TTYH2: variants seen among roughly 807,000 people sequenced by gnomAD.
The protein encoded by TTYH2 is tweety family member 2.
In TTYH2, 49 loss-of-function variants were observed where a neutral mutation model predicts 68.3. The observed-to-expected ratio is 0.72, with a 90% CI of 0.57 to 0.91. TTYH2 has a LOEUF of 0.91. Ranked by LOEUF, TTYH2 falls within the 40% of genes least tolerant of loss-of-function variation. The pLI, the probability that TTYH2 is intolerant of heterozygous loss-of-function variation, is 0.00. For synonymous variants in TTYH2, 272 were observed against 300.8 expected, an observed-to-expected ratio of 0.90 and a Z score of 0.99; for missense variants, 631 against 700.4, an observed-to-expected ratio of 0.90 and a Z score of 1.12.
chr17:74,251,120 G>A lies in TTYH2; in HGVS notation c.1116+763G>A, dbSNP rs893447394. On this transcript the variant is annotated intron_variant, in intron 10 of 13. Coordinates refer to ENST00000269346, the MANE Select transcript of TTYH2 (RefSeq NM_032646.6). ...CTGTGCGTGTGTGGTGTGTTTCTGC[G>A]GTTGTGTGGGTGCACATATGTGATG... 4.2e-5 allele frequency among the ~76,000 whole-genome samples: 6 copies of A among 141,860 alleles called. No individual in the cohort carries two copies. In the South Asian group the frequency reaches 1.1e-3, roughly 27 times the overall value. 93.1% of individuals were successfully genotyped at this position (141,860 alleles called of 152,430 possible).
chr17:74,235,480 C>T (rs1164646825), intron 3 of TTYH2, among the ~76,000 whole-genome samples: 1 of 152,240 alleles, frequency 6.6e-6, no homozygotes, highest in South Asian at 2.1e-4. Context: ...CCAAGCTGCA[C>T]CCCGGGGTTC....
Position 74,239,145 on chromosome 17 carries a change from C to G in TTYH2, c.635+1631C>G, listed in dbSNP as rs937860452. ...TCCCCTGCCTCCCCATTTGCCAAAT[C>G]CCAGCCTAGCCAGAGGCACTGGACA... On this transcript the variant is annotated intron_variant, in intron 4 of 13. Transcript: ENST00000269346. The surrounding 1 kb of genome is among the most constrained non-coding windows in gnomAD (Gnocchi z 5.3). 6.6e-6 allele frequency among the ~76,000 whole-genome samples: 1 copy of G among 152,186 alleles called. No individual in the cohort carries two copies. The highest frequency in any genetic ancestry group is 1.5e-5 in the Non-Finnish European group (1 of 68,040).
At chr17:74,250,395 G>A (rs2143773695) in intron 10 of TTYH2, 38 bp downstream of exon 10, 2 of 1,565,626 alleles carry the variant, frequency 1.3e-6, no homozygotes, top group Non-Finnish European at 1.8e-6. Context: ...AGAGTGTGAG[G>A]GCACCCAGCA....
At position 74,237,488 on chromosome 17, in the gene TTYH2, C is replaced by T. The variant is rs763026678; in HGVS notation, c.609C>T (p.Asp203=). Residue 203 remains aspartate (D), a synonymous_variant, in exon 4 of 14, where the codon GAC becomes GAT. Transcript: ENST00000269346. ...CCATGGAGCTGACCAAGCTATCCGA[C>T]CAGACTGGCTACGTGGAGTACTACA... ...EVTMELTKLS[D]QTGYVEYYRW... 1 of 1,613,254 alleles carries T rather than the reference C, an allele frequency of 6.2e-7. No homozygotes were observed. The highest frequency in any genetic ancestry group is 1.1e-5 in the South Asian group (1 of 90,988).
Position 74,217,641 on chromosome 17 carries a change from A to C in TTYH2, c.129+3925A>C. Among the ~76,000 whole-genome samples the C allele has an allele frequency of 1.3e-5, 2 of 150,440 alleles. No homozygotes were observed. The highest frequency in any genetic ancestry group is 2.5e-5 in the African/African-American group (1 of 40,782). On this transcript the variant is annotated intron_variant, in intron 1 of 13. Coordinates refer to ENST00000269346, the MANE Select transcript of TTYH2 (RefSeq NM_032646.6). This position sits in a 1 kb window ranked among gnomAD's most constrained non-coding sequence, Gnocchi z 4.0. Reference sequence around the variant, plus strand: ...CTTTCCCAGTGGGCCTGGGAGGGAGACTCTCCCTCTAGGTGCTCCTAGTTT... The same window carrying C: ...CTTTCCCAGTGGGCCTGGGAGGGAGCCTCTCCCTCTAGGTGCTCCTAGTTT...
chr17:74,223,433 A>G (rs977075486), intron 2 of TTYH2, among the ~76,000 whole-genome samples: 2 of 152,054 alleles, frequency 1.3e-5, no homozygotes, highest in South Asian at 4.2e-4. Flanking sequence ...GGCTGAGACT[A>G]TGTTGCTCAG....
rs2050404019 is a variant in TTYH2 at position 74,232,856 on chromosome 17, G to A, written c.414+1857G>A. Among the ~76,000 whole-genome samples, 1 of 152,232 alleles carries A rather than the reference G, an allele frequency of 6.6e-6. No individual in the cohort carries two copies. Among genetic ancestry groups the A allele is most frequent in the African/African-American group, 2.4e-5 (1 of 41,458 alleles). On this transcript the variant is annotated intron_variant, in intron 3 of 13. Transcript: ENST00000269346. The surrounding 1 kb of genome is among the most constrained non-coding windows in gnomAD (Gnocchi z 5.1). ...CTATCCCACAGGACGAGAGCTGCCA[G>A]GGAGGGGAGCTGGAACGGGCCCCCA...
chr17:74,237,524 C>T lies in TTYH2; in HGVS notation c.635+10C>T, dbSNP rs369469992. The T allele has an allele frequency of 4.2e-4, 671 of 1,590,170 alleles. No individual in the cohort carries two copies. Among genetic ancestry groups the T allele is most frequent in the Non-Finnish European group, 5.1e-4 (598 of 1,162,846 alleles). On this transcript the variant is annotated intron_variant, in intron 4 of 13. Coordinates refer to ENST00000269346, the MANE Select transcript of TTYH2 (RefSeq NM_032646.6). ...ACGTGGAGTACTACAGGTGAAGGAC[C>T]GGTGGGAGGCAGAGGGAGGGGCAGC...
intron 6 of TTYH2, among the ~76,000 whole-genome samples, chr17:74,245,663 C>T (rs934952276): frequency 1.3e-5 from 2 of 152,202 alleles, no homozygotes; most frequent in Admixed American, 6.5e-5. Context: ...CCCCTGAGTG[C>T]GAGATGGGGA....
intron 6 of TTYH2, chr17:74,248,214 C>T (rs1339870292): frequency 5.3e-6 from 5 of 951,094 alleles, no homozygotes; most frequent in Non-Finnish European, 6.3e-6. Flanking sequence ...CTCTCCCTGG[C>T]TGCTCTGGAA....
rs752550748 is a variant in TTYH2, at chr17:74,213,711, C to A, written c.124C>A (p.Gln42Lys). ...STFSPGDESY[Q>K]ESLLFLGLVA... ...CTTCAGCCCCGGCGACGAGAGTTAC[C>A]AGGAGGTAAGTTTACGCCGCCCCAG... The change falls in exon 1 of 14, where the codon CAG becomes AAG. Residue 42 changes from glutamine to lysine, a missense_variant. Physicochemically the swap from Gln to Lys is moderately conservative, Grantham distance 53 (BLOSUM62 1). Transcript: ENST00000269346. This position sits in a 1 kb window ranked among gnomAD's most constrained non-coding sequence, Gnocchi z 6.1. 22 of 1,611,340 alleles carry A rather than the reference C, an allele frequency of 1.4e-5. 1 individual carries two copies. The highest frequency in any genetic ancestry group is 1.8e-5 in the Non-Finnish European group (21 of 1,178,926).
chr17:74,255,767 G>A (rs947924464), intron 13 of TTYH2, among the ~76,000 whole-genome samples: 5 of 152,216 alleles, frequency 3.3e-5, no homozygotes, highest in Non-Finnish European at 7.3e-5. Flanking sequence ...AAAGGACAAG[G>A]GGAATGAAAG....
intron 2 of TTYH2, among the ~76,000 whole-genome samples, chr17:74,223,234 A>G (rs1009309537): frequency 1.3e-4 from 19 of 147,066 alleles, no homozygotes; most frequent in African/African-American, 4.5e-4. Flanking sequence ...TCAGCCTCCC[A>G]AGTGGCTGGG....
Position 74,230,954 on chromosome 17 carries a change from C to A in TTYH2, c.369C>A (p.Tyr123Ter), listed in dbSNP as rs995861857. The change falls in exon 3 of 14, where the codon TAC becomes TAA. Residue 123 changes from tyrosine to a stop codon, truncating the protein, a stop_gained. Coordinates refer to ENST00000269346, the MANE Select transcript of TTYH2 (RefSeq NM_032646.6). LOFTEE classifies it high-confidence loss of function. ...ACGATGGGGCGTACCAGCTGATGTA[C>A]TCCTTGGACGATGCCAACCACACCT... ...ETNDGAYQLM[Y>*]SLDDANHTFS... 2 of 1,614,038 alleles carry A rather than the reference C, an allele frequency of 1.2e-6. No individual in the cohort carries two copies. The highest frequency in any genetic ancestry group is 1.3e-5 in the African/African-American group (1 of 74,930).
intron 4 of TTYH2, among the ~76,000 whole-genome samples, chr17:74,240,549 C>T (rs780740567): frequency 2.0e-5 from 3 of 152,206 alleles, no homozygotes; most frequent in African/African-American, 7.2e-5. Context: ...GGCTTCTCCT[C>T]TCACCTGAGC....
intron 6 of TTYH2, among the ~76,000 whole-genome samples, chr17:74,245,818 A>C (rs983283403): frequency 5.3e-5 from 8 of 152,130 alleles, no homozygotes; most frequent in Admixed American, 4.6e-4. Flanking sequence ...GTGGCCTCCC[A>C]ATGCCACCCT....
Position 74,217,597 on chromosome 17 carries a change from G to A in TTYH2, c.129+3881G>A, listed in dbSNP as rs1041365279. 3.9e-5 allele frequency among the ~76,000 whole-genome samples: 6 copies of A among 152,262 alleles called. No homozygotes were observed. Among genetic ancestry groups the A allele is most frequent in the South Asian group, 2.1e-4 (1 of 4,818 alleles). On this transcript the variant is annotated intron_variant, in intron 1 of 13. Transcript: ENST00000269346. The surrounding 1 kb of genome is among the most constrained non-coding windows in gnomAD (Gnocchi z 4.0). ...CACGGTCATCAGACAGTCATGCCGC[G>A]CCTGGGAGAGGGCTTAATCTTTCCC...
rs1009874451 is a variant in TTYH2 at position 74,241,995 on chromosome 17, A to G, written c.636-1379A>G. ...TCTTCAGCCTGTTCTCTGGAGAAGCAGGAGGGCAGGGCCTTTGAAGTCCTT... is the reference window on the plus strand; with the variant it reads ...TCTTCAGCCTGTTCTCTGGAGAAGCGGGAGGGCAGGGCCTTTGAAGTCCTT... On this transcript the variant is annotated intron_variant, in intron 4 of 13. Coordinates refer to ENST00000269346, the MANE Select transcript of TTYH2 (RefSeq NM_032646.6). This position sits in a 1 kb window ranked among gnomAD's most constrained non-coding sequence, Gnocchi z 4.1. 2.0e-5 allele frequency among the ~76,000 whole-genome samples: 3 copies of G among 152,226 alleles called. No individual in the cohort carries two copies. The highest frequency in any genetic ancestry group is 4.4e-5 in the Non-Finnish European group (3 of 68,036).
chr17:74,243,263 C>G (rs1218342863), intron 4 of TTYH2, 111 bp from the exon 5 acceptor site: 19 of 891,120 alleles, frequency 2.1e-5, no homozygotes, highest in Non-Finnish European at 3.3e-5. Flanking sequence ...GGCAGCATGT[C>G]CATAGTAGAG....
Sources: gnomAD v4.1 joint callset for allele counts (sites outside exome capture counted in the v4.1 genomes callset) on GRCh38, gnomAD v4.1.1 for gene constraint, Gnocchi (gnomAD v3.1) non-coding constraint, MANE v1.5 for transcripts, NCBI Gene and HGNC (gene_info 2026-07-23, HGNC 2026-07-21) for gene names.